HOXC10: variants seen among roughly 807,000 people sequenced by gnomAD.
HOXC10 encodes the protein homeobox C10.
Under a neutral mutation model 26.0 loss-of-function variants are expected in HOXC10, and 15 were observed. The observed-to-expected ratio is 0.58, with a 90% CI of 0.39 to 0.89. The LOEUF (loss-of-function observed/expected upper bound fraction) is 0.89. Among genes scored for constraint, HOXC10 ranks in the 40% least tolerant of loss-of-function variants. The probability of loss-of-function intolerance (pLI) is 0.00; values close to 1 mark genes in which losing one functional copy is unlikely to be tolerated. For synonymous variants in HOXC10, 196 were observed against 185.5 expected (o/e 1.06, Z -0.46); for missense variants, 446 against 451.9 (o/e 0.99, Z 0.12).
rs1371005001 is a variant in HOXC10, at chr12:53,989,344, C to G, written c.927C>G (p.Asp309Glu). Residue 309 changes from aspartate (D) to glutamate (E), a missense_variant, in exon 2 of 2, where the codon GAC (aspartate) becomes GAG (glutamate). Asp to Glu is a conservative substitution (Grantham distance 45, BLOSUM62 2). Coordinates refer to ENST00000303460, the MANE Select transcript of HOXC10 (RefSeq NM_017409.4). Reference sequence around the variant, plus strand: ...TTAGCAAGACCATTAACCTTACAGACAGACAAGTCAAAATCTGGTTTCAAA... The same window carrying G: ...TTAGCAAGACCATTAACCTTACAGAGAGACAAGTCAAAATCTGGTTTCAAA... ...LEISKTINLT[D>E]RQVKIWFQNR... is the part of the protein sequence containing the mutation. The G allele has an allele frequency of 1.2e-6, 2 of 1,614,000 alleles. No individual in the cohort carries two copies. Among genetic ancestry groups the G allele is most frequent in the Admixed American group, 1.7e-5 (1 of 59,990 alleles).
chr12:53,989,519 A>AT lies in HOXC10; in HGVS notation c.*82dup, dbSNP rs200363226. Reference sequence around the variant, plus strand: ...CTCCTCCCTTTGTGCCTGGTGATATATTTTTTTTTCCTCCCTGAGTATAAA... The same window carrying AT: ...CTCCTCCCTTTGTGCCTGGTGATATATTTTTTTTTTCCTCCCTGAGTATAAA... On this transcript the variant is annotated 3_prime_UTR_variant, in exon 2 of 2. Coordinates refer to ENST00000303460, the MANE Select transcript of HOXC10 (RefSeq NM_017409.4). 1,236 of 1,422,896 alleles carry AT rather than the reference A, an allele frequency of 8.7e-4. 1 individual carries two copies. Among genetic ancestry groups the AT allele is most frequent in the African/African-American group, 6.7e-3 (457 of 68,406 alleles). The allele number at this position is 1,422,896 out of a possible 1,614,324, so 88.1% of individuals were successfully genotyped here.
chr12:53,986,917 C>T (rs1445072801), intron 1 of HOXC10, among the ~76,000 whole-genome samples: 1 of 152,150 alleles, frequency 6.6e-6, no homozygotes, highest in Non-Finnish European at 1.5e-5. Flanking sequence ...AGATTCATTT[C>T]TGCTGTAGGA....
chr12:53,986,232 A>G (rs3782397), intron 1 of HOXC10: 148,259 of 517,640 alleles, frequency 0.29, 21,969 homozygotes, highest in Middle Eastern at 0.37. Flanking sequence ...TGCCCCGGCC[A>G]TGGGTGCTAA....
chr12:53,988,737 T>G (rs1939473551), intron 1 of HOXC10, among the ~76,000 whole-genome samples: 1 of 152,178 alleles, frequency 6.6e-6, no homozygotes, highest in Admixed American at 6.5e-5. Context: ...CTCTGGGAAT[T>G]TCTCTGGTCT....
intron 1 of HOXC10, among the ~76,000 whole-genome samples, chr12:53,988,612 G>A (rs1349401990): frequency 6.6e-6 from 1 of 152,222 alleles, no homozygotes; most frequent in Non-Finnish European, 1.5e-5. Flanking sequence ...GAGTCACTCT[G>A]TGGCAGCTCA....
Position 53,985,743 on chromosome 12 carries a change from C to T in HOXC10, c.484C>T (p.Pro162Ser), listed in dbSNP as rs368239850. 38 of 1,612,782 alleles carry T rather than the reference C, an allele frequency of 2.4e-5. No homozygotes were observed. The highest frequency in any genetic ancestry group is 2.9e-5 in the Non-Finnish European group (34 of 1,179,368). Residue 162 changes from proline to serine, a missense_variant, in exon 1 of 2, where the codon CCC (proline) becomes TCC (serine). By Grantham distance (74) the Pro-to-Ser change is moderately conservative. Coordinates refer to ENST00000303460, the MANE Select transcript of HOXC10 (RefSeq NM_017409.4). ...SPSYSALDKT[P>S]HCSGANDFEA... ...GAGCTACTCCGCGCTGGACAAGACG[C>T]CCCACTGTTCTGGGGCCAACGACTT...
intron 1 of HOXC10, 39 bp downstream of exon 1, chr12:53,986,049 C>G (rs929821418): frequency 1.4e-5 from 21 of 1,509,106 alleles, no homozygotes; most frequent in Non-Finnish European, 1.7e-5. Context: ...TGGGACGTTC[C>G]GGCACTTGGT....
intron 1 of HOXC10, 141 bp downstream of exon 1, chr12:53,986,151 C>T: frequency 1.1e-6 from 1 of 897,256 alleles, no homozygotes. Context: ...CGACTAGCGT[C>T]CGCTGAGCTC....
rs760359920 is a variant in HOXC10 at position 53,985,789 on chromosome 12, G to C, written c.530G>C (p.Arg177Pro). Residue 177 changes from arginine to proline, a missense_variant, in exon 1 of 2, where the codon CGG becomes CCG. Coordinates refer to ENST00000303460, the MANE Select transcript of HOXC10 (RefSeq NM_017409.4). ...GACTTCGAAGCCCCTTTCGAGCAGC[G>C]GGCCAGTCTCAACCCGCGCGCCGAA... is the stretch of plus-strand genomic sequence containing the variant. The part of the protein sequence containing the change: ...ANDFEAPFEQ[R>P]ASLNPRAEHL... 8 of 1,613,562 alleles carry C rather than the reference G, an allele frequency of 5.0e-6. No individual in the cohort carries two copies. In the South Asian group the frequency reaches 7.7e-5, roughly 16 times the overall value.
intron 1 of HOXC10, 199 bp downstream of exon 1, chr12:53,986,209 G>A (rs943147804): frequency 2.4e-5 from 15 of 624,482 alleles, no homozygotes; most frequent in Middle Eastern, 4.3e-4. Context: ...CGGCGACGTG[G>A]AGGTGTCGGC....
chr12:53,985,384 G>A lies in HOXC10; in HGVS notation c.125G>A (p.Gly42Glu), dbSNP rs559539813. The A allele has an allele frequency of 6.2e-7, 1 of 1,613,992 alleles. No homozygotes were observed. The highest frequency in any genetic ancestry group is 1.3e-5 in the African/African-American group (1 of 75,070). Residue 42 changes from glycine (G) to glutamate (E), a missense_variant, in exon 1 of 2, where the codon GGG (glycine) becomes GAG (glutamate). Transcript: ENST00000303460. ...CAGTCTGGGAGTGACTTCAATTGCGGGGTGATGAGGGGCTGCGGGCTCGCG... is the reference window on the plus strand; with the variant it reads ...CAGTCTGGGAGTGACTTCAATTGCGAGGTGATGAGGGGCTGCGGGCTCGCG... ...YMQSGSDFNC[G>E]VMRGCGLAPS...
At position 53,989,237 on chromosome 12, in the gene HOXC10, C is replaced by T. The variant is rs369261675; in HGVS notation, c.820C>T (p.Pro274Ser). The T allele has an allele frequency of 4.3e-5, 69 of 1,613,896 alleles. No individual in the cohort carries two copies. In the African/African-American group the frequency reaches 6.9e-4, roughly 16 times the overall value. Residue 274 changes from proline to serine, a missense_variant, in exon 2 of 2, where the codon CCC becomes TCC. Coordinates refer to ENST00000303460, the MANE Select transcript of HOXC10 (RefSeq NM_017409.4). ...TAKSGRKKRCPYTKHQTLELE... is the reference protein window; with the variant it reads ...TAKSGRKKRCSYTKHQTLELE... Reference sequence around the variant, plus strand: ...AAAGAGCGGAAGGAAGAAGAGGTGCCCCTATACTAAACACCAGACGCTGGA... The same window carrying T: ...AAAGAGCGGAAGGAAGAAGAGGTGCTCCTATACTAAACACCAGACGCTGGA...
intron 1 of HOXC10, among the ~76,000 whole-genome samples, chr12:53,987,648 T>C (rs973829501): frequency 6.6e-6 from 1 of 152,158 alleles, no homozygotes; most frequent in Non-Finnish European, 1.5e-5. Context: ...CCCTTTCCTC[T>C]AGCTGTCCCC....
At chr12:53,989,043 C>A (rs371887526) in intron 1 of HOXC10, 126 bp from the exon 2 acceptor site, 2 of 749,738 alleles carry the variant, frequency 2.7e-6, no homozygotes, top group African/African-American at 1.8e-5. Flanking sequence ...CACCGCCAGG[C>A]CCCTGGGGCA....
rs1939420180 is a variant in HOXC10, at chr12:53,985,629, C to T, written c.370C>T (p.Pro124Ser). 1.2e-6 allele frequency: 2 copies of T among 1,613,814 alleles called. No homozygotes were observed. The highest frequency in any genetic ancestry group is 1.7e-6 in the Non-Finnish European group (2 of 1,180,016). ...YSAEKRAKSG[P>S]EAALYSHPLP... ...CGCAGAGAAGCGGGCGAAAAGTGGC[C>T]CCGAGGCAGCTCTCTACTCCCACCC... is the stretch of plus-strand genomic sequence containing the variant. Residue 124 changes from proline to serine, a missense_variant, in exon 1 of 2, where the codon CCC (proline) becomes TCC (serine). Pro to Ser is a moderately conservative substitution (Grantham distance 74). Transcript: ENST00000303460.
At chr12:53,988,812 G>T (rs914591477) in intron 1 of HOXC10, among the ~76,000 whole-genome samples, 1 of 152,236 alleles carries the variant, frequency 6.6e-6, no homozygotes, top group Non-Finnish European at 1.5e-5. Context: ...GATTTTTCCA[G>T]AGCTGGAATG....
In HOXC10 at chr12:53,988,250, A is replaced by C. The variant is rs550587111; in HGVS notation, c.752-919A>C. On this transcript the variant is annotated intron_variant, in intron 1 of 1. Transcript: ENST00000303460. ...CTGTCAATAAGCTCATGGGAAATAC[A>C]CAGTATTCTATAGTATCTCCTTACA... Among the ~76,000 whole-genome samples the C allele has an allele frequency of 5.9e-5, 9 of 152,324 alleles. No individual in the cohort carries two copies. The South Asian group carries it at 1.9e-3, about 32-fold the overall frequency.
rs1351062505 is a variant in HOXC10 at position 53,989,275 on chromosome 12, A to G, written c.858A>G (p.Glu286=). Residue 286 remains glutamate (E), a synonymous_variant, in exon 2 of 2, where the codon GAA becomes GAG. Coordinates refer to ENST00000303460, the MANE Select transcript of HOXC10 (RefSeq NM_017409.4). ...TKHQTLELEK[E]FLFNMYLTRE... ...ACCAGACGCTGGAATTGGAGAAAGA[A>G]TTTCTGTTCAATATGTATTTGACGC... The G allele has an allele frequency of 6.2e-7, 1 of 1,614,204 alleles. No homozygotes were observed. Among genetic ancestry groups the G allele is most frequent in the East Asian group, 2.2e-5 (1 of 44,886 alleles).
At position 53,989,511 on chromosome 12, in the gene HOXC10, G is replaced by A; in HGVS notation, c.*65G>A. 2 of 1,482,256 alleles carry A rather than the reference G, an allele frequency of 1.3e-6. No homozygotes were observed. Among genetic ancestry groups the A allele is most frequent in the Non-Finnish European group, 1.8e-6 (2 of 1,104,984 alleles). The allele number at this position is 1,482,256 out of a possible 1,614,324, so 91.8% of individuals were successfully genotyped here. ...CCCCGCCCCTCCTCCCTTTGTGCCT[G>A]GTGATATATTTTTTTTTCCTCCCTG... On this transcript the variant is annotated 3_prime_UTR_variant, in exon 2 of 2. Transcript: ENST00000303460.
Sources: allele counts gnomAD v4.1 joint callset (sites outside exome capture counted in the v4.1 genomes callset), GRCh38; gene constraint gnomAD v4.1.1; transcripts MANE v1.5; gene names NCBI Gene and HGNC (gene_info 2026-07-23, HGNC 2026-07-21).